SLC35D4: variants seen among roughly 807,000 people sequenced by gnomAD.
SLC35D4 encodes UDP-N-acetylglucosamine transporter SLC35D4.
At chr18:23,427,338 C>T in the SLC35D4 span, among the ~76,000 whole-genome samples, 2 of 152,050 alleles carry the variant, frequency 1.3e-5, no homozygotes, top group African/African-American at 4.8e-5. Flanking sequence ...ATCAAACAAC[C>T]CCATCAAAAA....
chr18:23,266,438 TAGAG>T, the SLC35D4 span, among the ~76,000 whole-genome samples: 3 of 150,742 alleles, frequency 2.0e-5, no homozygotes, highest in African/African-American at 7.3e-5. Flanking sequence ...TCCTGCTTTA[TAGAG>T]AAAGAGATTG....
At chr18:23,303,102 G>A in the SLC35D4 span, among the ~76,000 whole-genome samples, 2 of 151,936 alleles carry the variant, frequency 1.3e-5, no homozygotes, top group South Asian at 2.1e-4. Flanking sequence ...ATCAGCCACC[G>A]CCCCTGCCTG....
At chr18:23,254,222 A>G in the SLC35D4 span, among the ~76,000 whole-genome samples, 3 of 152,246 alleles carry the variant, frequency 2.0e-5, no homozygotes, top group African/African-American at 7.2e-5. Context: ...CATAGAAGCC[A>G]CTGTACCTGC....
chr18:23,354,068 G>T, the SLC35D4 span, among the ~76,000 whole-genome samples: 13 of 152,140 alleles, frequency 8.5e-5, no homozygotes, highest in African/African-American at 2.9e-4. Context: ...AGTTGCCTGC[G>T]CTGGAACTAT....
chr18:23,325,749 T>C, the SLC35D4 span, among the ~76,000 whole-genome samples: 2 of 152,144 alleles, frequency 1.3e-5, no homozygotes, highest in African/African-American at 4.8e-5. Context: ...GTACCCCTCT[T>C]CATGAAAGCT....
the SLC35D4 span, among the ~76,000 whole-genome samples, chr18:23,320,514 C>G: frequency 6.6e-6 from 1 of 152,194 alleles, no homozygotes. Context: ...ATCAGTTATG[C>G]TTTCCTGCCT....
chr18:23,356,799 G>A, the SLC35D4 span: 2 of 669,962 alleles, frequency 3.0e-6, no homozygotes, highest in South Asian at 3.7e-5. This position sits in a 1 kb window ranked among gnomAD's most constrained non-coding sequence, Gnocchi z 4.1. Flanking sequence ...ATTCACTCCA[G>A]CATTCCCAGG....
At chr18:23,368,618 G>T in the SLC35D4 span, 2 of 770,258 alleles carry the variant, frequency 2.6e-6, no homozygotes, top group South Asian at 1.8e-5. Flanking sequence ...CTTCCTGGCA[G>T]GCACATTGGC....
At chr18:23,412,490 T>A in the SLC35D4 span, among the ~76,000 whole-genome samples, 1 of 152,230 alleles carries the variant, frequency 6.6e-6, no homozygotes, top group Admixed American at 6.6e-5. Flanking sequence ...TTTCTTTTTT[T>A]TTGGTCCACT....
the SLC35D4 span, among the ~76,000 whole-genome samples, chr18:23,252,196 G>A: frequency 6.6e-6 from 1 of 152,202 alleles, no homozygotes; most frequent in East Asian, 1.9e-4. Context: ...GTGGAGTAGT[G>A]GTTGCCAGGA....
the SLC35D4 span, among the ~76,000 whole-genome samples, chr18:23,251,632 A>G: frequency 1.3e-5 from 2 of 152,230 alleles, no homozygotes; most frequent in Non-Finnish European, 2.9e-5. Flanking sequence ...AAGGACTCCA[A>G]GGATCCTTTA....
chr18:23,424,624 C>CA, the SLC35D4 span, among the ~76,000 whole-genome samples: 4 of 151,994 alleles, frequency 2.6e-5, no homozygotes, highest in African/African-American at 9.7e-5. Flanking sequence ...CAACCAGAAC[C>CA]AAAAAAACGC....
the SLC35D4 span, chr18:23,399,601 T>C: frequency 8.1e-6 from 13 of 1,613,940 alleles, no homozygotes; most frequent in Non-Finnish European, 9.3e-6. Flanking sequence ...GCATAGATTA[T>C]ACCCACAAAC....
the SLC35D4 span, among the ~76,000 whole-genome samples, chr18:23,386,124 C>CAAAAAAAAAAAA: frequency 9.7e-5 from 4 of 41,068 alleles, no homozygotes; most frequent in Admixed American, 2.5e-4. Context: ...GACTCTGTCT[C>CAAAAAAAAAAAA]AAAAAAAAAA....
the SLC35D4 span, chr18:23,377,521 A>T: frequency 2.4e-6 from 2 of 839,148 alleles, no homozygotes. Flanking sequence ...TTAGGGATAT[A>T]TGAATGTTTA....
the SLC35D4 span, among the ~76,000 whole-genome samples, chr18:23,242,467 T>G: frequency 6.6e-6 from 1 of 152,184 alleles, no homozygotes; most frequent in Admixed American, 6.5e-5. Context: ...CCTCTTGGCA[T>G]ATAATTAAAG....
the SLC35D4 span, among the ~76,000 whole-genome samples, chr18:23,395,559 G>A: frequency 6.6e-6 from 1 of 152,196 alleles, no homozygotes; most frequent in Non-Finnish European, 1.5e-5. Context: ...TGCAGACCCT[G>A]GCCTCCCCCA....
At chr18:23,330,506 C>G in the SLC35D4 span, among the ~76,000 whole-genome samples, 1 of 152,190 alleles carries the variant, frequency 6.6e-6, no homozygotes, top group East Asian at 1.9e-4. Context: ...GTGAATACCC[C>G]CTACATTAAA....
the SLC35D4 span, among the ~76,000 whole-genome samples, chr18:23,243,502 G>A: frequency 1.3e-5 from 1 of 78,664 alleles, no homozygotes; most frequent in Non-Finnish European, 2.5e-5. Context: ...TCTTTTTGTT[G>A]TTGTTAACAG....
Sources: allele counts gnomAD v4.1 joint callset (sites outside exome capture counted in the v4.1 genomes callset), GRCh38; gene constraint gnomAD v4.1.1; non-coding constraint Gnocchi (gnomAD v3.1); transcripts MANE v1.5; gene names NCBI Gene and HGNC (gene_info 2026-07-23, HGNC 2026-07-21).